Variants in ARHGEF10L observed in about 807,000 individuals in gnomAD.
ARHGEF10L encodes the protein Rho guanine nucleotide exchange factor 10 like, also known as rho guanine nucleotide exchange factor 10-like protein.
In ARHGEF10L, 69 loss-of-function variants were observed where a neutral mutation model predicts 141.2. That is an observed-to-expected ratio of 0.49 (90% CI 0.40 to 0.60). The LOEUF is 0.60. Ranked by LOEUF, ARHGEF10L falls within the 20% of genes least tolerant of loss-of-function variation. The pLI is 0.00. For synonymous variants in ARHGEF10L, 711 were observed against 718.5 expected, an observed-to-expected ratio of 0.99 and a Z score of 0.17; for missense variants, 1,482 against 1,734.3, an observed-to-expected ratio of 0.85 and a Z score of 2.58.
chr1:17,646,525 T>C (rs2061608137), intron 21 of ARHGEF10L, among the ~76,000 whole-genome samples: 2 of 152,130 alleles, frequency 1.3e-5, no homozygotes, highest in African/African-American at 4.8e-5. Flanking sequence ...TCGGCCTTCA[T>C]AGAACACTGG....
At chr1:17,674,115 G>T (rs910604646) in intron 26 of ARHGEF10L, among the ~76,000 whole-genome samples, 1 of 152,186 alleles carries the variant, frequency 6.6e-6, no homozygotes, top group African/African-American at 2.4e-5. Flanking sequence ...GTATTGTCCT[G>T]CAGTGCAAGT....
At chr1:17,513,784 G>A in the ARHGEF10L span, among the ~76,000 whole-genome samples, 1 of 152,084 alleles carries the variant, frequency 6.6e-6, no homozygotes, top group Admixed American at 6.6e-5. Flanking sequence ...GATGTTACAT[G>A]GAAATTCTTT....
At chr1:17,632,884 C>G (rs1031716703) in intron 16 of ARHGEF10L, among the ~76,000 whole-genome samples, 1 of 152,234 alleles carries the variant, frequency 6.6e-6, no homozygotes, top group African/African-American at 2.4e-5. Context: ...CCCCACAGAC[C>G]GGAGCATCAT....
intron 1 of ARHGEF10L, among the ~76,000 whole-genome samples, chr1:17,559,231 G>T (rs551266515): frequency 1.4e-4 from 21 of 152,346 alleles, no homozygotes; most frequent in African/African-American, 4.8e-4. Context: ...TCATATGGCT[G>T]TTGGGACGAT....
At chr1:17,554,440 G>C (rs1341164080) in intron 1 of ARHGEF10L, among the ~76,000 whole-genome samples, 4 of 152,068 alleles carry the variant, frequency 2.6e-5, no homozygotes, top group African/African-American at 7.2e-5. Flanking sequence ...GGATCATCTA[G>C]TCCACACATA....
At chr1:17,550,142 C>G (rs2077058257) in intron 1 of ARHGEF10L, among the ~76,000 whole-genome samples, 1 of 152,154 alleles carries the variant, frequency 6.6e-6, no homozygotes, top group Admixed American at 6.5e-5. Context: ...TATATATCAG[C>G]TGGAATCAAC....
rs1570970002 is a variant in ARHGEF10L, at chr1:17,619,104, C to T, written c.836-235C>T. On this transcript the variant is annotated intron_variant, in intron 9 of 28. Coordinates refer to ENST00000361221, the MANE Select transcript of ARHGEF10L (RefSeq NM_018125.4). This position sits in a 1 kb window ranked among gnomAD's most constrained non-coding sequence, Gnocchi z 5.0. ...CAGCTTTGATTTCTGCCTGTTCACC[C>T]TCTCGCTCACTTGCTCACAATTATT... 6.6e-6 allele frequency among the ~76,000 whole-genome samples: 1 copy of T among 152,152 alleles called. No homozygotes were observed. The highest frequency in any genetic ancestry group is 2.4e-5 in the African/African-American group (1 of 41,440).
chr1:17,696,078 C>T (rs755184220), intron 28 of ARHGEF10L, among the ~76,000 whole-genome samples: 7 of 151,832 alleles, frequency 4.6e-5, no homozygotes, highest in Admixed American at 1.3e-4. Flanking sequence ...CTGGGCATGG[C>T]GGTGTGCGCC....
At chr1:17,523,028 T>C in the ARHGEF10L span, among the ~76,000 whole-genome samples, 1 of 151,970 alleles carries the variant, frequency 6.6e-6, no homozygotes, top group Non-Finnish European at 1.5e-5. Flanking sequence ...CCCAGAAGTT[T>C]GAGGCTGCAG....
the ARHGEF10L span, among the ~76,000 whole-genome samples, chr1:17,513,974 A>G: frequency 2.6e-5 from 4 of 151,500 alleles, no homozygotes; most frequent in Non-Finnish European, 5.9e-5. Flanking sequence ...ACAGGCATGC[A>G]CCACCATGCC....
chr1:17,645,210 C>T (rs1173684011), intron 21 of ARHGEF10L, among the ~76,000 whole-genome samples: 5 of 152,076 alleles, frequency 3.3e-5, no homozygotes, highest in African/African-American at 9.7e-5. Flanking sequence ...TTATCCCAAG[C>T]GGGCTTTCAA....
chr1:17,538,343 A>G (rs2076611155), upstream of ARHGEF10L, among the ~76,000 whole-genome samples: 1 of 152,172 alleles, frequency 6.6e-6, no homozygotes, highest in Admixed American at 6.5e-5. Flanking sequence ...TGTTGTGTTC[A>G]CTGGTGTCTC....
At chr1:17,609,154 G>A (rs1311081302) in intron 7 of ARHGEF10L, among the ~76,000 whole-genome samples, 2 of 152,324 alleles carry the variant, frequency 1.3e-5, no homozygotes, top group East Asian at 1.9e-4. Flanking sequence ...GGGCAGGGTG[G>A]GGACAAGAGA....
At chr1:17,646,561 T>TGTGCACACACACGCACGCGTGCACAC (rs2061611335) in intron 21 of ARHGEF10L, among the ~76,000 whole-genome samples, 1 of 152,128 alleles carries the variant, frequency 6.6e-6, no homozygotes, top group East Asian at 1.9e-4. Context: ...CCTACCTCCA[T>TGTGCACACACACGCACGCGTGCACAC]GTGCACACAC....
chr1:17,596,608 T>C (rs2080126985), intron 4 of ARHGEF10L, among the ~76,000 whole-genome samples: 1 of 152,214 alleles, frequency 6.6e-6, no homozygotes, highest in African/African-American at 2.4e-5. Flanking sequence ...GTTCTGGTTT[T>C]GGGGGTCTCC....
At chr1:17,616,846 C>T (rs1026991348) in intron 9 of ARHGEF10L, among the ~76,000 whole-genome samples, 1 of 152,142 alleles carries the variant, frequency 6.6e-6, no homozygotes, top group South Asian at 2.1e-4. Flanking sequence ...GAGGAGCGAG[C>T]GGGTGTGCAG....
chr1:17,578,607 AC>A (rs2078323980), intron 1 of ARHGEF10L, among the ~76,000 whole-genome samples: 11 of 152,266 alleles, frequency 7.2e-5, no homozygotes, highest in Admixed American at 6.5e-4. Context: ...GGATCACTTG[AC>A]CCAGGAGTTC....
Position 17,654,650 on chromosome 1 carries a change from C to T in ARHGEF10L, c.2409C>T (p.Val803=). The change falls in exon 23 of 29, where the codon GTC becomes GTT. Residue 803 remains valine, a synonymous_variant. Transcript: ENST00000361221. This position sits in a 1 kb window ranked among gnomAD's most constrained non-coding sequence, Gnocchi z 4.3. ...RALSLQLGAL[V]HSPVNCPLLG... ...TGTCTCTGCAGCTTGGGGCCCTGGT[C>T]CACAGTCCTGTCAACTGTCCCCTGC... 6.2e-7 allele frequency: 1 copy of T among 1,614,174 alleles called. No individual in the cohort carries two copies. Among genetic ancestry groups the T allele is most frequent in the Non-Finnish European group, 8.5e-7 (1 of 1,180,012 alleles).
At chr1:17,686,297 A>G (rs1274286562) in intron 26 of ARHGEF10L, among the ~76,000 whole-genome samples, 2 of 152,058 alleles carry the variant, frequency 1.3e-5, no homozygotes, top group Non-Finnish European at 2.9e-5. Flanking sequence ...TGAGTGTTGT[A>G]GATAGAATTC....
Sources: allele counts gnomAD v4.1 joint callset (sites outside exome capture counted in the v4.1 genomes callset), GRCh38; gene constraint gnomAD v4.1.1; non-coding constraint Gnocchi (gnomAD v3.1); transcripts MANE v1.5; gene names NCBI Gene and HGNC (gene_info 2026-07-23, HGNC 2026-07-21).